The following ADAMTSL1 variants were observed in gnomAD, a reference collection of about 807,000 sequenced individuals.
ADAMTSL1 encodes the protein ADAMTS-like protein 1.
In ADAMTSL1, 126 loss-of-function variants were observed where a neutral mutation model predicts 201.8. The ratio of observed to expected loss-of-function variants is 0.62; its 90% confidence interval spans 0.54 to 0.72. The LOEUF (loss-of-function observed/expected upper bound fraction) is 0.72. Among genes scored for constraint, ADAMTSL1 ranks in the 30% least tolerant of loss-of-function variants. The pLI is 0.00. For synonymous variants in ADAMTSL1, 1,121 were observed against 903.4 expected, an observed-to-expected ratio of 1.24 and a Z score of -4.32; for missense variants, 2,679 against 2,277.8, an observed-to-expected ratio of 1.18 and a Z score of -3.59.
intron 4 of ADAMTSL1, among the ~76,000 whole-genome samples, chr9:18,597,189 T>G (rs888599821): frequency 1.3e-5 from 2 of 152,206 alleles, no homozygotes; most frequent in Non-Finnish European, 2.9e-5. Flanking sequence ...AACACATAAA[T>G]TATTCATCTT....
In ADAMTSL1 at chr9:18,788,515, G is replaced by C. The variant is rs11792252; in HGVS notation, c.3678-6882G>C. ...TTACTCCTGATGCCACCATGTACTA[G>C]CTGAGCAAATTGCTTCTGTGAACTT... is the stretch of plus-strand genomic sequence containing the variant. On this transcript the variant is annotated intron_variant, in intron 19 of 28. Transcript: ENST00000380548. 2.1e-3 allele frequency among the ~76,000 whole-genome samples: 321 copies of C among 152,022 alleles called. 2 individuals carry two copies. Among genetic ancestry groups the C allele is most frequent in the Non-Finnish European group, 3.7e-3 (254 of 68,012 alleles).
At chr9:18,878,583 C>A (rs758739112) in intron 23 of ADAMTSL1, among the ~76,000 whole-genome samples, 13 of 152,218 alleles carry the variant, frequency 8.5e-5, no homozygotes, top group Non-Finnish European at 1.6e-4. Context: ...TGAGGATGTG[C>A]ATTTGGGAGC....
At chr9:18,254,347 T>TTTTTTTTTTTG (rs1831587072) in intron 2 of ADAMTSL1, among the ~76,000 whole-genome samples, 1 of 16,048 alleles carries the variant, frequency 6.2e-5, no homozygotes, top group Non-Finnish European at 1.1e-4. Context: ...TCTTTTTGGT[T>TTTTTTTTTTTG]TTTTTTTTTT....
rs376839607 is a variant in ADAMTSL1 at position 18,831,032 on chromosome 9, C to G, written c.4249+1055C>G. Among the ~76,000 whole-genome samples, 226 of 152,342 alleles carry G rather than the reference C, an allele frequency of 1.5e-3. 5 individuals carry two copies. In the South Asian group the frequency reaches 0.046, roughly 31 times the overall value. The stretch of plus-strand genomic sequence containing the variant: ...AGTCGTATTGGTGATGACTTATCAA[C>G]ATGGCCACAGGGGCCTGGTATCTTT... On this transcript the variant is annotated intron_variant, in intron 23 of 28. Coordinates refer to ENST00000380548, the MANE Select transcript of ADAMTSL1 (RefSeq NM_001040272.6).
intron 2 of ADAMTSL1, among the ~76,000 whole-genome samples, chr9:18,461,927 G>A (rs775629522): frequency 2.6e-5 from 4 of 151,958 alleles, no homozygotes; most frequent in East Asian, 3.9e-4. Context: ...ACTAAACTCC[G>A]TGCATTCTCA....
chr9:18,525,451 G>T (rs1473225786), intron 2 of ADAMTSL1, among the ~76,000 whole-genome samples: 6 of 152,084 alleles, frequency 3.9e-5, no homozygotes, highest in South Asian at 4.2e-4. Flanking sequence ...TTTCAATTCT[G>T]CTCTGATCTT....
intron 15 of ADAMTSL1, among the ~76,000 whole-genome samples, chr9:18,731,493 C>CA (rs1179741071): frequency 2.6e-5 from 4 of 151,740 alleles, no homozygotes; most frequent in African/African-American, 9.7e-5. Context: ...TAGCCGGCCA[C>CA]AGTGGCATGC....
At chr9:18,217,201 C>A (rs1450439092) in intron 2 of ADAMTSL1, among the ~76,000 whole-genome samples, 2 of 152,182 alleles carry the variant, frequency 1.3e-5, no homozygotes, top group Non-Finnish European at 2.9e-5. Flanking sequence ...GCCCTGGGTT[C>A]CACAGAAATG....
chr9:18,794,487 T>C (rs1822251155), intron 19 of ADAMTSL1, among the ~76,000 whole-genome samples: 1 of 151,102 alleles, frequency 6.6e-6, no homozygotes, highest in African/African-American at 2.4e-5. Flanking sequence ...ATAAAGACAA[T>C]AGATGTATAT....
At chr9:17,940,811 C>T (rs868007955) in intron 1 of ADAMTSL1, among the ~76,000 whole-genome samples, 1 of 60,234 alleles carries the variant, frequency 1.7e-5, no homozygotes, top group African/African-American at 6.0e-5. Context: ...CACCCCCCCC[C>T]CAAAAAAAAG....
At chr9:18,727,786 A>C (rs1384374702) in intron 15 of ADAMTSL1, among the ~76,000 whole-genome samples, 1 of 152,166 alleles carries the variant, frequency 6.6e-6, no homozygotes, top group Admixed American at 6.5e-5. Context: ...AGCTTTGATG[A>C]TATCACTTTG....
At chr9:18,587,776 C>T (rs1823607662) in intron 4 of ADAMTSL1, among the ~76,000 whole-genome samples, 1 of 152,156 alleles carries the variant, frequency 6.6e-6, no homozygotes, top group African/African-American at 2.4e-5. Flanking sequence ...TAATGACCTC[C>T]AGTTCCATCC....
intron 13 of ADAMTSL1, among the ~76,000 whole-genome samples, chr9:18,706,250 G>A (rs1375718114): frequency 6.6e-6 from 1 of 152,158 alleles, no homozygotes; most frequent in African/African-American, 2.4e-5. Flanking sequence ...TCGTGGCACT[G>A]GTGGGAGTGT....
At chr9:18,195,483 C>T (rs1347599638) in intron 2 of ADAMTSL1, among the ~76,000 whole-genome samples, 4 of 152,156 alleles carry the variant, frequency 2.6e-5, no homozygotes, top group African/African-American at 9.7e-5. Flanking sequence ...TTGTAAGCAG[C>T]AGGACTGGGA....
intron 13 of ADAMTSL1, among the ~76,000 whole-genome samples, chr9:18,702,005 A>C (rs1831951205): frequency 6.6e-6 from 1 of 152,228 alleles, no homozygotes; most frequent in Admixed American, 6.5e-5. Context: ...GGGAGGCCTC[A>C]CAATCATGGT....
chr9:18,851,823 G>A (rs548607281), intron 23 of ADAMTSL1, among the ~76,000 whole-genome samples: 17 of 152,246 alleles, frequency 1.1e-4, no homozygotes, highest in Non-Finnish European at 1.5e-4. Context: ...GAGGAAGATC[G>A]TGTACCAGTT....
At chr9:18,010,225 G>A (rs1024419989) in intron 1 of ADAMTSL1, among the ~76,000 whole-genome samples, 3 of 152,014 alleles carry the variant, frequency 2.0e-5, no homozygotes, top group Non-Finnish European at 4.4e-5. Flanking sequence ...TAAAGTTTAA[G>A]CATTAGAGAT....
chr9:18,826,807 T>C (rs931517439), intron 22 of ADAMTSL1, among the ~76,000 whole-genome samples: 1 of 152,226 alleles, frequency 6.6e-6, no homozygotes, highest in African/African-American at 2.4e-5. Context: ...ACAATTGTCC[T>C]TAACTCTTCC....
intron 1 of ADAMTSL1, among the ~76,000 whole-genome samples, chr9:17,984,378 A>G (rs1818839112): frequency 6.6e-6 from 1 of 152,096 alleles, no homozygotes; most frequent in African/African-American, 2.4e-5. Context: ...TTGATTAACT[A>G]CTAAATGGGA....
Sources: allele counts gnomAD v4.1 joint callset (sites outside exome capture counted in the v4.1 genomes callset), GRCh38; gene constraint gnomAD v4.1.1; transcripts MANE v1.5; gene names NCBI Gene and HGNC (gene_info 2026-07-23, HGNC 2026-07-21).